The following MMP16 variants were observed in gnomAD, a reference collection of about 807,000 sequenced individuals.
MMP16 encodes matrix metallopeptidase 16.
In MMP16, 12 loss-of-function variants were observed where a neutral mutation model predicts 67.8. That is an observed-to-expected ratio of 0.18 (90% CI 0.11 to 0.29). MMP16 has a LOEUF of 0.29. MMP16 is among the 10% of genes least tolerant of loss of function. The pLI is 1.00. For missense variants in MMP16, 475 were observed against 765.7 expected (o/e 0.62, Z 4.48); for synonymous variants, 249 against 255.9 (o/e 0.97, Z 0.26).
chr8:88,146,524 A>G (rs1319696737), intron 4 of MMP16, among the ~76,000 whole-genome samples: 1 of 151,924 alleles, frequency 6.6e-6, no homozygotes, highest in Non-Finnish European at 1.5e-5. Context: ...ATGTCATCAT[A>G]TTGTATCTAG....
chr8:88,243,524 C>T (rs549507547), intron 1 of MMP16, among the ~76,000 whole-genome samples: 1 of 152,112 alleles, frequency 6.6e-6, no homozygotes, highest in Non-Finnish European at 1.5e-5. Context: ...TGTTTCCAGT[C>T]AGCATGATTT....
intron 1 of MMP16, among the ~76,000 whole-genome samples, chr8:88,293,436 T>A (rs1810957044): frequency 6.6e-6 from 1 of 152,052 alleles, no homozygotes; most frequent in Non-Finnish European, 1.5e-5. Context: ...ATTCCAAATA[T>A]CTGTTAGAGT....
At chr8:88,086,501 A>G (rs1345205192) in intron 6 of MMP16, among the ~76,000 whole-genome samples, 1 of 151,950 alleles carries the variant, frequency 6.6e-6, no homozygotes, top group Non-Finnish European at 1.5e-5. Context: ...GAGGAGAGGC[A>G]GACAGCTAAT....
intron 4 of MMP16, 24 bp from the exon 5 acceptor site, chr8:88,118,885 G>A (rs201950919): frequency 6.2e-7 from 1 of 1,606,020 alleles, no homozygotes; most frequent in African/African-American, 1.3e-5. Context: ...AAGAAAATAA[G>A]TTTTTGTAAC....
intron 1 of MMP16, among the ~76,000 whole-genome samples, chr8:88,263,797 G>T (rs916621670): frequency 3.4e-5 from 5 of 145,196 alleles, no homozygotes; most frequent in Admixed American, 1.3e-4. Flanking sequence ...CACATTCTGG[G>T]GTACTGGGGG....
chr8:88,305,964 C>T (rs931165253), intron 1 of MMP16, among the ~76,000 whole-genome samples: 3 of 148,966 alleles, frequency 2.0e-5, no homozygotes, highest in Non-Finnish European at 4.4e-5. Flanking sequence ...GACAGAGACA[C>T]GAAAAGCCCC....
chr8:88,089,538 T>A (rs551794492), intron 6 of MMP16, among the ~76,000 whole-genome samples: 39 of 151,774 alleles, frequency 2.6e-4, no homozygotes, highest in Non-Finnish European at 5.0e-4. Context: ...TGATGGGGCA[T>A]CCAATGACAT....
chr8:88,226,876 G>GTATTTATTTATT (rs33911567), intron 1 of MMP16, among the ~76,000 whole-genome samples: 11 of 148,348 alleles, frequency 7.4e-5, no homozygotes, highest in African/African-American at 2.0e-4. Flanking sequence ...CAGCCTACAC[G>GTATTTATTTATT]TATTTATTTA....
intron 6 of MMP16, among the ~76,000 whole-genome samples, chr8:88,094,419 AC>A (rs1393198178): frequency 1.3e-5 from 2 of 151,638 alleles, no homozygotes; most frequent in African/African-American, 4.8e-5. Flanking sequence ...CAAATTAACA[AC>A]CTTTTTAACA....
intron 1 of MMP16, among the ~76,000 whole-genome samples, chr8:88,252,636 C>A (rs530086333): frequency 2.1e-5 from 2 of 94,942 alleles, no homozygotes; most frequent in Non-Finnish European, 2.1e-5. Context: ...AGGGGTTTTC[C>A]ACCTCTTAGC....
chr8:88,188,788 T>G (rs1809120151), intron 2 of MMP16, among the ~76,000 whole-genome samples: 1 of 152,070 alleles, frequency 6.6e-6, no homozygotes, highest in Non-Finnish European at 1.5e-5. Context: ...CCTGAGTAGC[T>G]GGGATTACAG....
intron 4 of MMP16, among the ~76,000 whole-genome samples, chr8:88,152,971 G>C (rs1341511977): frequency 1.3e-5 from 1 of 78,378 alleles, no homozygotes; most frequent in South Asian, 5.1e-4. Flanking sequence ...AAACCCCATC[G>C]TCTCAGCCCA....
intron 4 of MMP16, among the ~76,000 whole-genome samples, chr8:88,154,397 G>T (rs1407767163): frequency 4.3e-5 from 6 of 139,324 alleles, no homozygotes; most frequent in Admixed American, 3.0e-4. Flanking sequence ...AAATCATGCT[G>T]CTATAAAGAC....
chr8:88,097,051 A>G (rs2118363879), intron 6 of MMP16, among the ~76,000 whole-genome samples: 1 of 152,038 alleles, frequency 6.6e-6, no homozygotes, highest in South Asian at 2.1e-4. Flanking sequence ...CTGCACATGC[A>G]CAGAATGGGC....
chr8:88,247,948 A>C (rs763172620), intron 1 of MMP16, among the ~76,000 whole-genome samples: 9 of 152,022 alleles, frequency 5.9e-5, no homozygotes, highest in Non-Finnish European at 1.0e-4. Context: ...AGTAATTATG[A>C]AAGCTTGGGC....
chr8:88,235,815 A>C (rs1809931790), intron 1 of MMP16, among the ~76,000 whole-genome samples: 1 of 152,156 alleles, frequency 6.6e-6, no homozygotes, highest in African/African-American at 2.4e-5. Context: ...CAATGGACTT[A>C]ATGTTCAAAT....
At chr8:88,068,591 G>C (rs1808493501) in intron 7 of MMP16, among the ~76,000 whole-genome samples, 1 of 151,742 alleles carries the variant, frequency 6.6e-6, no homozygotes, top group South Asian at 2.1e-4. Flanking sequence ...GGTTTGTTTT[G>C]TTTTGTTTTT....
chr8:88,220,315 G>A (rs1234030805), intron 1 of MMP16, among the ~76,000 whole-genome samples: 1 of 151,938 alleles, frequency 6.6e-6, no homozygotes, highest in Non-Finnish European at 1.5e-5. Flanking sequence ...TTTAAGTTTT[G>A]TATTTTAGTT....
intron 4 of MMP16, among the ~76,000 whole-genome samples, chr8:88,143,203 C>A (rs553485056): frequency 6.6e-6 from 1 of 151,956 alleles, no homozygotes; most frequent in South Asian, 2.1e-4. Context: ...AGAGTGGTAC[C>A]ACAGAAATAA....
Sources: gnomAD v4.1 joint callset for allele counts (sites outside exome capture counted in the v4.1 genomes callset) on GRCh38, gnomAD v4.1.1 for gene constraint, MANE v1.5 for transcripts, NCBI Gene and HGNC (gene_info 2026-07-23, HGNC 2026-07-21) for gene names.